LDHC: variants seen among roughly 807,000 people sequenced by gnomAD.
The protein encoded by LDHC is L-lactate dehydrogenase C chain.
LDHC carries 20 observed loss-of-function variants against 30.2 expected under a neutral mutation model. That is an observed-to-expected ratio of 0.66 (90% CI 0.47 to 0.96). The LOEUF (loss-of-function observed/expected upper bound fraction) is 0.96, where lower values mean the gene tolerates loss of function less well. Among genes scored for constraint, LDHC ranks in the 40% least tolerant of loss-of-function variants. The pLI is 0.00. For synonymous variants in LDHC, 139 were observed against 132.7 expected, an observed-to-expected ratio of 1.05 and a Z score of -0.32; for missense variants, 362 against 394.9, an observed-to-expected ratio of 0.92 and a Z score of 0.71.
intron 3 of LDHC, among the ~76,000 whole-genome samples, chr11:18,422,939 G>T (rs559521678): frequency 6.6e-6 from 1 of 151,680 alleles, no homozygotes; most frequent in Admixed American, 6.6e-5. Flanking sequence ...CTGAGGTTGC[G>T]CCATTGCACT....
intron 3 of LDHC, among the ~76,000 whole-genome samples, chr11:18,428,890 A>G (rs1008061317): frequency 1.3e-5 from 2 of 151,832 alleles, no homozygotes; most frequent in East Asian, 1.9e-4. Flanking sequence ...AAAAAAAAAA[A>G]AAGAAGACCA....
intron 2 of LDHC, among the ~76,000 whole-genome samples, chr11:18,413,112 T>A (rs1866930301): frequency 6.6e-6 from 1 of 151,722 alleles, no homozygotes; most frequent in Non-Finnish European, 1.5e-5. Context: ...GAGACAGGAT[T>A]TGTCTGTTAC....
At chr11:18,432,556 G>A (rs147015820) in intron 4 of LDHC, among the ~76,000 whole-genome samples, 38 of 148,546 alleles carry the variant, frequency 2.6e-4, no homozygotes, top group African/African-American at 7.3e-4. Context: ...TGCTGTCAGC[G>A]GAGTATTGAA....
chr11:18,429,271 C>G (rs1848222368), intron 3 of LDHC, among the ~76,000 whole-genome samples: 1 of 151,992 alleles, frequency 6.6e-6, no homozygotes, highest in Non-Finnish European at 1.5e-5. Flanking sequence ...TGCTGCCACT[C>G]CCAGCTAATT....
chr11:18,415,189 G>A lies in LDHC; in HGVS notation c.132G>A (p.Leu44=), dbSNP rs563217843. The change falls in exon 3 of 8, where the codon TTG becomes TTA. Residue 44 remains leucine (L), a synonymous_variant. Coordinates refer to ENST00000541669, the MANE Select transcript of LDHC (RefSeq NM_017448.5). ...AGAACTTTTGTATATTTTAGGATTTGGCTGATGAACTTGCCCTTGTTGATG... is the reference window on the plus strand; with the variant it reads ...AGAACTTTTGTATATTTTAGGATTTAGCTGATGAACTTGCCCTTGTTGATG... The part of the protein sequence containing the change: ...ACAISILLKD[L]ADELALVDVA... 5.1e-6 allele frequency: 8 copies of A among 1,580,572 alleles called. No individual in the cohort carries two copies. The African/African-American group carries it at 1.1e-4, about 21-fold the overall frequency.
In LDHC at chr11:18,451,318, G is replaced by T; in HGVS notation, c.*191G>T. The T allele has an allele frequency of 4.6e-6, 2 of 431,728 alleles. No individual in the cohort carries two copies. Among genetic ancestry groups the T allele is most frequent in the Non-Finnish European group, 8.0e-6 (2 of 248,588 alleles). 26.7% of individuals were successfully genotyped at this position (431,728 alleles called of 1,614,324 possible). On this transcript the variant is annotated 3_prime_UTR_variant, in exon 8 of 8. Transcript: ENST00000541669. ...TTTTCCTCTTTAAGAATCATTTATA[G>T]CTCTATTCTAATGATACCCAATCTG...
chr11:18,425,908 T>C (rs1391766145), intron 3 of LDHC, among the ~76,000 whole-genome samples: 3 of 150,728 alleles, frequency 2.0e-5, no homozygotes, highest in Non-Finnish European at 4.4e-5. Context: ...GCCACTGCAC[T>C]CCAGCCTGGG....
rs143035617 is a variant in LDHC at position 18,434,645 on chromosome 11, T to C, written c.419-95T>C. ...TGCTTCACTTTGTAATAAATCTGTA[T>C]TTGACTCTAAAACAATTCATCTATG... On this transcript the variant is annotated intron_variant, in intron 4 of 7. Coordinates refer to ENST00000541669, the MANE Select transcript of LDHC (RefSeq NM_017448.5). 7.2e-5 allele frequency: 51 copies of C among 705,458 alleles called. No individual in the cohort carries two copies. In the African/African-American group the frequency reaches 8.0e-4, roughly 11 times the overall value. The allele number at this position is 705,458 out of a possible 1,614,324, so 43.7% of individuals were successfully genotyped here.
At chr11:18,432,024 C>G (rs1848275256) in intron 4 of LDHC, among the ~76,000 whole-genome samples, 1 of 151,722 alleles carries the variant, frequency 6.6e-6, no homozygotes, top group Non-Finnish European at 1.5e-5. Flanking sequence ...TTGGTTTGTT[C>G]TTGTTTCTCT....
Position 18,446,121 on chromosome 11 carries a change from A to T in LDHC, c.711-89A>T. ...CTAATACAATTGCATTGACATGTAGATAACTTTAAAATGGATGCTTGAAGA... is the reference window on the plus strand; with the variant it reads ...CTAATACAATTGCATTGACATGTAGTTAACTTTAAAATGGATGCTTGAAGA... On this transcript the variant is annotated intron_variant, in intron 6 of 7. Transcript: ENST00000541669. 3.6e-6 allele frequency: 4 copies of T among 1,106,090 alleles called. No individual in the cohort carries two copies. In the South Asian group the frequency reaches 5.4e-5, roughly 15 times the overall value. The allele number at this position is 1,106,090 out of a possible 1,614,324, so 68.5% of individuals were successfully genotyped here.
chr11:18,434,534 G>C (rs1285319928), intron 4 of LDHC, among the ~76,000 whole-genome samples: 8 of 152,094 alleles, frequency 5.3e-5, no homozygotes, highest in Admixed American at 5.2e-4. Context: ...TGGTTTCAAA[G>C]TCCTGGCCTC....
At chr11:18,450,064 G>A (rs1343524507) in intron 7 of LDHC, 3 of 151,502 alleles carry the variant, frequency 2.0e-5, no homozygotes, top group Non-Finnish European at 4.4e-5. Flanking sequence ...TTAACTGGGT[G>A]TCTTTTAACA....
Position 18,451,786 on chromosome 11 carries a change from C to G in LDHC, c.*659C>G, listed in dbSNP as rs567685055. 2 of 152,218 alleles carry G rather than the reference C, an allele frequency of 1.3e-5. No individual in the cohort carries two copies. Among genetic ancestry groups the G allele is most frequent in the Admixed American group, 1.3e-4 (2 of 15,258 alleles). The allele number at this position is 152,218 out of a possible 1,614,324, so 9.4% of individuals were successfully genotyped here. A position where few individuals can be genotyped will look rare whatever the true frequency, so the allele number is the denominator to read the frequency against. ...GCAACATAGCAACACCCCATCTCTA[C>G]AAAAATAAAGAAATTAGATGTGGTG... is the stretch of plus-strand genomic sequence containing the variant. On this transcript the variant is annotated 3_prime_UTR_variant, in exon 8 of 8. Coordinates refer to ENST00000541669, the MANE Select transcript of LDHC (RefSeq NM_017448.5).
intron 3 of LDHC, among the ~76,000 whole-genome samples, chr11:18,418,489 G>T (rs1263736138): frequency 6.6e-6 from 1 of 151,752 alleles, no homozygotes; most frequent in Non-Finnish European, 1.5e-5. Flanking sequence ...GAGTGCAGTG[G>T]TGTGATCTCT....
chr11:18,413,459 C>CTT (rs34176196), intron 2 of LDHC, among the ~76,000 whole-genome samples: 242 of 77,122 alleles, frequency 3.1e-3, no homozygotes, highest in Middle Eastern at 0.015. Context: ...ATTGTTCTCT[C>CTT]TTTTTTTTTT....
At chr11:18,436,304 A>C (rs1179709177) in intron 5 of LDHC, among the ~76,000 whole-genome samples, 1 of 152,062 alleles carries the variant, frequency 6.6e-6, no homozygotes, top group African/African-American at 2.4e-5. Flanking sequence ...TATTCTATTT[A>C]GCATGATTTT....
intron 3 of LDHC, among the ~76,000 whole-genome samples, chr11:18,427,637 A>C (rs1848184452): frequency 6.6e-6 from 1 of 151,994 alleles, no homozygotes; most frequent in Non-Finnish European, 1.5e-5. Flanking sequence ...ATCTGACATA[A>C]AAATAAGACA....
intron 6 of LDHC, among the ~76,000 whole-genome samples, chr11:18,439,811 T>TAAAAAAAAAAAAAA (rs71047596): frequency 1.6e-5 from 1 of 64,192 alleles, no homozygotes; most frequent in Non-Finnish European, 2.7e-5. Context: ...CCGTCTCTAC[T>TAAAAAAAAAAAAAA]AAAAAAAAAA....
intron 3 of LDHC, among the ~76,000 whole-genome samples, chr11:18,424,900 C>T (rs1462071287): frequency 6.6e-6 from 1 of 151,998 alleles, no homozygotes; most frequent in African/African-American, 2.4e-5. Context: ...TCCAGCTACT[C>T]GGGAGGCTGA....
Sources: allele counts gnomAD v4.1 joint callset (sites outside exome capture counted in the v4.1 genomes callset), GRCh38; gene constraint gnomAD v4.1.1; transcripts MANE v1.5; gene names NCBI Gene and HGNC (gene_info 2026-07-23, HGNC 2026-07-21).